Variants in ZBTB46 observed in about 807,000 individuals in gnomAD.
ZBTB46 encodes zinc finger and BTB domain containing 46, also known as zinc finger and BTB domain-containing protein 46.
ZBTB46 carries 8 observed loss-of-function variants against 44.1 expected under a neutral mutation model. The observed-to-expected ratio is 0.18, with a 90% CI of 0.11 to 0.33. ZBTB46 has a LOEUF of 0.33. Ranked by LOEUF, ZBTB46 falls within the 10% of genes least tolerant of loss-of-function variation. The pLI is 1.00. For synonymous variants in ZBTB46, 409 were observed against 382.3 expected (o/e 1.07, Z -0.81); for missense variants, 651 against 847.7 (o/e 0.77, Z 2.88).
At chr20:63,751,809 T>TC (rs1229185882) in intron 4 of ZBTB46, among the ~76,000 whole-genome samples, 2 of 111,558 alleles carry the variant, frequency 1.8e-5, no homozygotes, top group African/African-American at 7.2e-5. Context: ...CCGGTGGGTC[T>TC]CCCCATGAAG....
chr20:63,797,931 T>C (rs1475049190), intron 1 of ZBTB46, among the ~76,000 whole-genome samples: 1 of 152,196 alleles, frequency 6.6e-6, no homozygotes, highest in African/African-American at 2.4e-5. Flanking sequence ...ATTGCAAAAA[T>C]TTCCTCCGAT....
At chr20:63,774,480 T>C (rs1344499072) in intron 3 of ZBTB46, among the ~76,000 whole-genome samples, 2 of 152,128 alleles carry the variant, frequency 1.3e-5, no homozygotes, top group Admixed American at 6.6e-5. Context: ...TCCACACCAC[T>C]CAGCACGCCT....
intron 4 of ZBTB46, among the ~76,000 whole-genome samples, chr20:63,747,800 C>T (rs970570595): frequency 2.6e-5 from 4 of 152,122 alleles, no homozygotes; most frequent in East Asian, 1.9e-4. Context: ...CCAGTCTCAG[C>T]GTCTACACTG....
chr20:63,795,384 G>A (rs749126364), intron 1 of ZBTB46, among the ~76,000 whole-genome samples: 3 of 152,232 alleles, frequency 2.0e-5, no homozygotes, highest in Non-Finnish European at 2.9e-5. Context: ...CAGTTACACC[G>A]TGCAGGCTCT....
chr20:63,800,398 T>C (rs913571376), intron 1 of ZBTB46, among the ~76,000 whole-genome samples: 2 of 152,228 alleles, frequency 1.3e-5, no homozygotes, highest in Non-Finnish European at 2.9e-5. Context: ...GACAGCATGC[T>C]GGCAAGCCCT....
At chr20:63,764,617 T>A (rs1481214437) in intron 3 of ZBTB46, among the ~76,000 whole-genome samples, 3 of 151,894 alleles carry the variant, frequency 2.0e-5, no homozygotes, top group Non-Finnish European at 4.4e-5. Flanking sequence ...TTTTTTTTTT[T>A]TTGAGACGGA....
chr20:63,749,500 C>G (rs2092138345), intron 4 of ZBTB46, among the ~76,000 whole-genome samples: 1 of 152,186 alleles, frequency 6.6e-6, no homozygotes, highest in Non-Finnish European at 1.5e-5. Flanking sequence ...CCACGCCCAG[C>G]TAATTTTTTG....
In ZBTB46 at chr20:63,747,059, C is replaced by T. The variant is rs753904507; in HGVS notation, c.1641G>A (p.Glu547=). 8 of 1,608,704 alleles carry T rather than the reference C, an allele frequency of 5.0e-6. No homozygotes were observed. The South Asian group carries it at 7.7e-5, about 15-fold the overall frequency. The stretch of plus-strand genomic sequence containing the variant: ...CCAGGCCCTCGTCGTCCTCGCCCAG[C>T]TCCTCCGCCTCCCCTCGTGGGTCCT... ...DPEDPRGEAE[E]LGEDDEGLAP... Residue 547 remains glutamate, a synonymous_variant, in exon 5 of 5, where the codon GAG becomes GAA. Coordinates refer to ENST00000245663, the MANE Select transcript of ZBTB46 (RefSeq NM_001369741.1).
intron 3 of ZBTB46, among the ~76,000 whole-genome samples, chr20:63,756,777 C>T (rs1601400523): frequency 6.6e-6 from 1 of 152,238 alleles, no homozygotes; most frequent in South Asian, 2.1e-4. Flanking sequence ...ACGTGGGATC[C>T]TACCCTCGTG....
chr20:63,758,305 G>T (rs972054370), intron 3 of ZBTB46, among the ~76,000 whole-genome samples: 3 of 150,246 alleles, frequency 2.0e-5, no homozygotes, highest in Non-Finnish European at 4.4e-5. Context: ...CAGCTCCTAT[G>T]CCCAGAGCCT....
chr20:63,798,440 C>T (rs2092619495), intron 1 of ZBTB46, among the ~76,000 whole-genome samples: 1 of 151,810 alleles, frequency 6.6e-6, no homozygotes, highest in Non-Finnish European at 1.5e-5. Flanking sequence ...TTTGGGAGGC[C>T]GAGGTGGGCG....
intron 1 of ZBTB46, among the ~76,000 whole-genome samples, chr20:63,806,885 C>T (rs959169773): frequency 4.6e-5 from 7 of 152,068 alleles, no homozygotes; most frequent in Non-Finnish European, 8.8e-5. Flanking sequence ...CAGGTTCACG[C>T]CATTCTCCTG....
At chr20:63,771,179 G>A (rs1019633429) in intron 3 of ZBTB46, among the ~76,000 whole-genome samples, 5 of 152,196 alleles carry the variant, frequency 3.3e-5, no homozygotes, top group African/African-American at 4.8e-5. Context: ...AGCCGAGGCC[G>A]CTCTTGTCTT....
chr20:63,776,144 G>A (rs1377042065), intron 2 of ZBTB46, among the ~76,000 whole-genome samples, 182 bp from the exon 3 acceptor site: 6 of 152,234 alleles, frequency 3.9e-5, no homozygotes, highest in Middle Eastern at 3.2e-3. Flanking sequence ...GGCCCAGCCC[G>A]GCCTTTCCTG....
intron 3 of ZBTB46, among the ~76,000 whole-genome samples, chr20:63,768,612 A>T (rs74569601): frequency 6.9e-6 from 1 of 145,400 alleles, no homozygotes; most frequent in African/African-American, 2.5e-5. Flanking sequence ...GTCTCAAAAG[A>T]AAAAAAAAAA....
Position 63,775,944 on chromosome 20 carries a change from G to A in ZBTB46, c.956C>T (p.Thr319Ile). 2 of 1,575,954 alleles carry A rather than the reference G, an allele frequency of 1.3e-6. No individual in the cohort carries two copies. The highest frequency in any genetic ancestry group is 1.7e-6 in the Non-Finnish European group (2 of 1,164,658). Reference sequence around the variant, plus strand: ...TCGGCTGTCGGAGCTGCTGGCTTCGGTGACGGACAGGTCCGCATCTGGGGA... The same window carrying A: ...TCGGCTGTCGGAGCTGCTGGCTTCGATGACGGACAGGTCCGCATCTGGGGA... Reference protein sequence around the residue: ...SRDSNADLSVTEASSSDSRGE... With the variant: ...SRDSNADLSVIEASSSDSRGE... Residue 319 changes from threonine (T) to isoleucine (I), a missense_variant, in exon 3 of 5, where the codon ACC becomes ATC. Physicochemically the swap from Thr to Ile is moderately conservative, Grantham distance 89. Coordinates refer to ENST00000245663, the MANE Select transcript of ZBTB46 (RefSeq NM_001369741.1).
intron 1 of ZBTB46, among the ~76,000 whole-genome samples, chr20:63,804,387 G>A (rs559729284): frequency 1.1e-4 from 17 of 152,246 alleles, no homozygotes; most frequent in South Asian, 8.3e-4. Context: ...CTGTAAAGGC[G>A]AATCCTGCCA....
At position 63,790,034 on chromosome 20, in the gene ZBTB46, C is replaced by T. The variant is rs1413583270; in HGVS notation, c.724G>A (p.Glu242Lys). The change falls in exon 2 of 5, where the codon GAG becomes AAG. Residue 242 changes from glutamate (E) to lysine (K), a missense_variant. By Grantham distance (56) the Glu-to-Lys change is moderately conservative. This residue lies in a region of ZBTB46 where 385 missense variants were observed against 423.3 expected (regional missense o/e 0.91). Coordinates refer to ENST00000245663, the MANE Select transcript of ZBTB46 (RefSeq NM_001369741.1). Reference sequence around the variant, plus strand: ...GCACCGTCCTTGGCAGAAGGCAGCTCGCTCCCTCCGTACTGAGACGGTGAA... The same window carrying T: ...GCACCGTCCTTGGCAGAAGGCAGCTTGCTCCCTCCGTACTGAGACGGTGAA... ...QVSPSQYGGS[E>K]LPSAKDGAVQ... is the part of the protein sequence containing the mutation. 4.3e-6 allele frequency: 7 copies of T among 1,613,824 alleles called. No individual in the cohort carries two copies. The highest frequency in any genetic ancestry group is 2.7e-5 in the African/African-American group (2 of 74,930).
chr20:63,777,873 G>A (rs1475098085), intron 2 of ZBTB46, among the ~76,000 whole-genome samples: 1 of 152,130 alleles, frequency 6.6e-6, no homozygotes, highest in Non-Finnish European at 1.5e-5. Context: ...CATGCTCAGC[G>A]GACGAAGCCA....
Sources: gnomAD v4.1 joint callset for allele counts (sites outside exome capture counted in the v4.1 genomes callset) on GRCh38, gnomAD v4.1.1 for gene constraint, gnomAD v4.1.1 regional missense constraint, MANE v1.5 for transcripts, NCBI Gene and HGNC (gene_info 2026-07-23, HGNC 2026-07-21) for gene names.